Variants in TRIM9 observed in about 807,000 individuals in gnomAD.
TRIM9 encodes tripartite motif containing 9.
In TRIM9, 26 loss-of-function variants were observed where a neutral mutation model predicts 78.3. The observed-to-expected ratio is 0.33, with a 90% CI of 0.24 to 0.46. The LOEUF (loss-of-function observed/expected upper bound fraction) is 0.46, where lower values mean the gene tolerates loss of function less well. Ranked by LOEUF, TRIM9 falls within the 20% of genes least tolerant of loss-of-function variation. TRIM9 has a pLI of 1.00. For synonymous variants in TRIM9, 398 were observed against 416.5 expected, an observed-to-expected ratio of 0.96 and a Z score of 0.54; for missense variants, 787 against 1,036.4, an observed-to-expected ratio of 0.76 and a Z score of 3.30.
intron 7 of TRIM9, chr14:50,997,019 G>C: frequency 1.0e-6 from 1 of 985,368 alleles, no homozygotes; most frequent in Non-Finnish European, 1.2e-6. Context: ...CACCACCATA[G>C]TTCTTTTAGC....
chr14:51,085,843 T>C (rs73290819), intron 1 of TRIM9, among the ~76,000 whole-genome samples: 4,652 of 152,260 alleles, frequency 0.031, 254 homozygotes, highest in African/African-American at 0.11. Flanking sequence ...CAATGCTCCA[T>C]GGTTGAGCTG....
intron 1 of TRIM9, among the ~76,000 whole-genome samples, chr14:51,067,517 C>T (rs563004470): frequency 5.6e-4 from 86 of 152,324 alleles, no homozygotes; most frequent in Non-Finnish European, 1.1e-3. Flanking sequence ...CCAGGATGTA[C>T]GTAATTAGAC....
intron 5 of TRIM9, among the ~76,000 whole-genome samples, chr14:51,003,264 C>T (rs1208937672): frequency 6.6e-6 from 1 of 152,122 alleles, no homozygotes; most frequent in Non-Finnish European, 1.5e-5. Context: ...GGAAACCATT[C>T]TTCAAAGGGC....
intron 3 of TRIM9, among the ~76,000 whole-genome samples, chr14:51,017,155 T>C (rs2057297194): frequency 1.3e-5 from 2 of 152,218 alleles, no homozygotes; most frequent in Admixed American, 1.3e-4. Context: ...ACTTACAGCA[T>C]TTAACTTAAA....
At chr14:51,002,350 G>A (rs147472630) in intron 5 of TRIM9, among the ~76,000 whole-genome samples, 4,136 of 151,702 alleles carry the variant, frequency 0.027, 88 homozygotes, top group Non-Finnish European at 0.039. Flanking sequence ...TAGCCAAGAT[G>A]GTCTCGATCT....
rs1172658404 is a variant in TRIM9, at chr14:50,981,917, C to A, written c.2045G>T (p.Gly682Val). 6.2e-7 allele frequency: 1 copy of A among 1,614,162 alleles called. No homozygotes were observed. Among genetic ancestry groups the A allele is most frequent in the Non-Finnish European group, 8.5e-7 (1 of 1,180,030 alleles). ...RYDNHPDPAF[G>V]VARMDVMKDV... ...CTTCATCACGTCCATGCGAGCCACACCAAAGGCAGGATCAGGGTGGTTGTC... is the reference window on the plus strand; with the variant it reads ...CTTCATCACGTCCATGCGAGCCACAACAAAGGCAGGATCAGGGTGGTTGTC... The change falls in exon 11 of 13, where the codon GGT (glycine) becomes GTT (valine). Residue 682 changes from glycine (G) to valine (V), a missense_variant. Gly to Val is a moderately radical substitution (Grantham distance 109). Transcript: ENST00000684578.
chr14:50,987,726 G>C (rs1337847831), intron 7 of TRIM9, among the ~76,000 whole-genome samples: 3 of 152,080 alleles, frequency 2.0e-5, no homozygotes, highest in Admixed American at 2.0e-4. Flanking sequence ...AAACTGGCAT[G>C]GGTTTCTATT....
At chr14:51,049,915 G>A (rs1256144624) in intron 1 of TRIM9, among the ~76,000 whole-genome samples, 2 of 152,118 alleles carry the variant, frequency 1.3e-5, no homozygotes, top group Non-Finnish European at 2.9e-5. Flanking sequence ...TGTGTAAAAG[G>A]TGACAAAAAA....
At chr14:51,014,306 G>A (rs1017347314) in intron 3 of TRIM9, among the ~76,000 whole-genome samples, 3 of 152,148 alleles carry the variant, frequency 2.0e-5, no homozygotes, top group Non-Finnish European at 4.4e-5. Context: ...TTGTTGCACT[G>A]CCAAAGAGCC....
chr14:51,055,205 G>C (rs954452437), intron 1 of TRIM9, among the ~76,000 whole-genome samples: 2 of 152,190 alleles, frequency 1.3e-5, no homozygotes, highest in Non-Finnish European at 2.9e-5. Context: ...GCCATCAACT[G>C]TAAGACACAC....
intron 1 of TRIM9, chr14:51,090,572 T>C (rs1181170735): frequency 1.3e-5 from 2 of 152,180 alleles, no homozygotes; most frequent in Non-Finnish European, 2.9e-5. Flanking sequence ...ACAGAATAAT[T>C]GTTACAAATA....
At chr14:51,058,680 A>C (rs1357037060) in intron 1 of TRIM9, among the ~76,000 whole-genome samples, 1 of 152,234 alleles carries the variant, frequency 6.6e-6, no homozygotes, top group Non-Finnish European at 1.5e-5. Flanking sequence ...TGGCTTCAAC[A>C]GAACAGATAT....
At chr14:51,009,898 T>G (rs1162242640) in intron 4 of TRIM9, among the ~76,000 whole-genome samples, 2 of 152,224 alleles carry the variant, frequency 1.3e-5, no homozygotes, top group African/African-American at 4.8e-5. Context: ...CTAAAACAAT[T>G]AACACTGAAG....
chr14:51,048,023 A>T (rs2060089517), intron 1 of TRIM9, among the ~76,000 whole-genome samples: 1 of 151,922 alleles, frequency 6.6e-6, no homozygotes, highest in Admixed American at 6.6e-5. Context: ...TCCTTTAGGT[A>T]TGTAAAAGTA....
chr14:51,073,769 T>A (rs1210403858), intron 1 of TRIM9, among the ~76,000 whole-genome samples: 3 of 152,236 alleles, frequency 2.0e-5, no homozygotes, highest in Non-Finnish European at 4.4e-5. Flanking sequence ...AAATGTACAT[T>A]CATGATTTCT....
rs1456450046 is a variant in TRIM9 at position 50,981,891 on chromosome 14, C to A, written c.2071G>T (p.Asp691Tyr). Residue 691 changes from aspartate (D) to tyrosine (Y), a missense_variant, in exon 11 of 13, where the codon GAT (aspartate) becomes TAT (tyrosine). By Grantham distance (160) the Asp-to-Tyr change is radical. Around this residue, in one of 3 missense-constraint regions of TRIM9, gnomAD observed 421 missense variants for 514.3 expected, o/e 0.82. Coordinates refer to ENST00000684578, the MANE Select transcript of TRIM9 (RefSeq NM_001387360.1). ...TTGTCGTCTTTTCCTAACATCACAT[C>A]CTTCATCACGTCCATGCGAGCCACA... is the stretch of plus-strand genomic sequence containing the variant. ...FGVARMDVMK[D>Y]VMLGKDDKAW... The A allele has an allele frequency of 1.2e-6, 2 of 1,614,180 alleles. No individual in the cohort carries two copies.
chr14:51,093,882 G>C (rs1401199608), intron 1 of TRIM9, among the ~76,000 whole-genome samples: 1 of 152,256 alleles, frequency 6.6e-6, no homozygotes, highest in African/African-American at 2.4e-5. Context: ...CGCGCCCCGA[G>C]AGACCCGCTC....
rs750739777 is a variant in TRIM9, at chr14:50,979,369, C to T, written c.2325+18G>A. On this transcript the variant is annotated intron_variant, in intron 12 of 12. Coordinates refer to ENST00000684578, the MANE Select transcript of TRIM9 (RefSeq NM_001387360.1). ...GTAGCCAGCAACAGCTGTTTAACCT[C>T]AGGGGCAGGGTGCTTACCTGCACGT... 1.2e-6 allele frequency: 2 copies of T among 1,614,208 alleles called. No individual in the cohort carries two copies. Among genetic ancestry groups the T allele is most frequent in the Admixed American group, 1.7e-5 (1 of 60,026 alleles).
intron 6 of TRIM9, 21 bp downstream of exon 6, chr14:51,000,662 C>T (rs954491524): frequency 5.6e-6 from 9 of 1,613,538 alleles, no homozygotes; most frequent in Non-Finnish European, 7.6e-6. Flanking sequence ...TTAACAAGTA[C>T]GTAGTGGGCT....
Sources: allele counts gnomAD v4.1 joint callset (sites outside exome capture counted in the v4.1 genomes callset), GRCh38; gene constraint gnomAD v4.1.1; regional missense constraint gnomAD v4.1.1; transcripts MANE v1.5; gene names NCBI Gene and HGNC (gene_info 2026-07-23, HGNC 2026-07-21).